BET1: variants seen among roughly 807,000 people sequenced by gnomAD.
BET1 encodes BET1 homolog.
Under a neutral mutation model 13.9 loss-of-function variants are expected in BET1, and 9 were observed. That is an observed-to-expected ratio of 0.65 (90% CI 0.39 to 1.13). The LOEUF (loss-of-function observed/expected upper bound fraction) is 1.13. BET1 is among the 50% of genes most tolerant of loss of function. The pLI, the probability that BET1 is intolerant of heterozygous loss-of-function variation, is 0.01. For synonymous variants in BET1, 39 were observed against 47.3 expected (o/e 0.82, Z 0.72); for missense variants, 127 against 133.6 (o/e 0.95, Z 0.24).
At chr7:93,995,518 A>G (rs548253183) in intron 3 of BET1, among the ~76,000 whole-genome samples, 1 of 152,324 alleles carries the variant, frequency 6.6e-6, no homozygotes, top group South Asian at 2.1e-4. Flanking sequence ...CATCAGAATC[A>G]CCAGAGATGC....
chr7:93,991,134 T>C (rs989150654), downstream of BET1, among the ~76,000 whole-genome samples: 7 of 152,134 alleles, frequency 4.6e-5, no homozygotes, highest in Non-Finnish European at 8.8e-5. Context: ...AGAGTAACAA[T>C]AACCACATGC....
chr7:93,992,178 C>T, downstream of BET1: 1 of 985,312 alleles, frequency 1.0e-6, no homozygotes, highest in Non-Finnish European at 1.2e-6. Context: ...TAGAGACCTA[C>T]TTTAAATAGT....
exon 7 of BET1, chr7:93,962,983 G>T: frequency 6.6e-6 from 1 of 152,020 alleles, no homozygotes; most frequent in East Asian, 1.9e-4. Context: ...GGGATGTTTG[G>T]AAAAAATCCT....
chr7:93,984,795 A>G (rs78765043), intron 4 of BET1, among the ~76,000 whole-genome samples: 10,633 of 152,254 alleles, frequency 0.07, 482 homozygotes, highest in East Asian at 0.11. Flanking sequence ...ATATGGCTAA[A>G]TGAATAAATA....
intron 4 of BET1, among the ~76,000 whole-genome samples, chr7:93,976,697 C>T (rs1228753077): frequency 2.0e-5 from 3 of 151,892 alleles, no homozygotes; most frequent in Non-Finnish European, 4.4e-5. Flanking sequence ...TTATTTCAAT[C>T]GTTTTCGGAG....
chr7:93,999,794 G>C, intron 1 of BET1: 1 of 429,198 alleles, frequency 2.3e-6, no homozygotes, highest in Admixed American at 2.7e-5. Flanking sequence ...GCCAAAGCAG[G>C]GAGGGGGCAA....
intron 4 of BET1, among the ~76,000 whole-genome samples, chr7:93,988,138 A>G (rs1268694343): frequency 1.3e-5 from 2 of 152,194 alleles, no homozygotes; most frequent in Non-Finnish European, 2.9e-5. Flanking sequence ...TGAAAACCAA[A>G]GCATCAATTT....
chr7:93,981,641 AT>A (rs1219778132), intron 4 of BET1, among the ~76,000 whole-genome samples: 1 of 152,192 alleles, frequency 6.6e-6, no homozygotes, highest in Non-Finnish European at 1.5e-5. Flanking sequence ...CAGAAGGGCA[AT>A]TCCTGGAATT....
Position 93,993,613 on chromosome 7 carries a change from C to A in BET1, c.*617G>T. On this transcript the variant is annotated 3_prime_UTR_variant, in exon 4 of 4. Coordinates refer to ENST00000222547, the MANE Select transcript of BET1 (RefSeq NM_005868.6). ...TATACTGATACACATGTGCAATGGG[C>A]CCTACCAGAAATATGCCAAAATAAC... 8.1e-7 allele frequency: 1 copy of A among 1,237,870 alleles called. No individual in the cohort carries two copies. The highest frequency in any genetic ancestry group is 4.1e-5 in the Admixed American group (1 of 24,572). The allele number at this position is 1,237,870 out of a possible 1,614,324, so 76.7% of individuals were successfully genotyped here.
intron 4 of BET1, chr7:93,976,183 C>A: frequency 5.2e-6 from 5 of 957,294 alleles, no homozygotes; most frequent in Non-Finnish European, 6.6e-6. Context: ...AGTAAATGTA[C>A]TCTCAGAAGA....
intron 4 of BET1, among the ~76,000 whole-genome samples, chr7:93,979,784 G>A (rs1352094330): frequency 6.6e-6 from 1 of 151,400 alleles, no homozygotes; most frequent in Admixed American, 6.6e-5. Flanking sequence ...TTCTTCTGAG[G>A]GTTGCTCAGG....
chr7:93,993,089 A>T (rs763408921), downstream of BET1: 3 of 979,802 alleles, frequency 3.1e-6, no homozygotes, highest in Non-Finnish European at 3.6e-6. Context: ...ATAAAGAATT[A>T]AAGAGATTTT....
chr7:93,981,002 T>C (rs775602401), intron 4 of BET1, among the ~76,000 whole-genome samples: 2 of 152,182 alleles, frequency 1.3e-5, no homozygotes, highest in Non-Finnish European at 2.9e-5. Context: ...GTTTTCTGTT[T>C]TTTGTCTCTG....
rs565189520 is a variant in BET1 at position 93,993,488 on chromosome 7, T to C, written c.*742A>G. On this transcript the variant is annotated 3_prime_UTR_variant, in exon 4 of 4. Transcript: ENST00000222547. ...TCAGTAATTACTTAACTTCACATTA[T>C]TCTGTCACAAATGATAAATGTGCTA... 1.0e-6 allele frequency: 1 copy of C among 982,372 alleles called. No homozygotes were observed. Among genetic ancestry groups the C allele is most frequent in the Non-Finnish European group, 1.2e-6 (1 of 824,896 alleles). The allele number at this position is 982,372 out of a possible 1,614,324, so 60.9% of individuals were successfully genotyped here.
chr7:93,982,287 G>A (rs1795441754), intron 4 of BET1, among the ~76,000 whole-genome samples: 1 of 152,048 alleles, frequency 6.6e-6, no homozygotes. Context: ...TAGAAACATA[G>A]TATAAGATGA....
At chr7:93,968,311 C>A (rs545613795) in intron 6 of BET1, 2 of 151,712 alleles carry the variant, frequency 1.3e-5, no homozygotes, top group African/African-American at 4.8e-5. Flanking sequence ...ATCCAAACAC[C>A]AAACTGTGTA....
At chr7:93,968,632 G>T (rs1795212040) in intron 6 of BET1, among the ~76,000 whole-genome samples, 1 of 151,636 alleles carries the variant, frequency 6.6e-6, no homozygotes, top group South Asian at 2.1e-4. Context: ...ACTTAGCCGA[G>T]GACTTATATA....
At chr7:93,977,150 A>G (rs1425583561) in intron 4 of BET1, among the ~76,000 whole-genome samples, 1 of 152,078 alleles carries the variant, frequency 6.6e-6, no homozygotes, top group Non-Finnish European at 1.5e-5. Context: ...TACTGTGCAC[A>G]GATCTTTCAG....
At chr7:94,004,056 C>G (rs1010857910) in intron 1 of BET1, 142 bp downstream of exon 1, 9 of 1,218,246 alleles carry the variant, frequency 7.4e-6, no homozygotes, top group Middle Eastern at 1.9e-4. Context: ...TGTTTCCACT[C>G]GACATGGACC....
Sources: gnomAD v4.1 joint callset for allele counts (sites outside exome capture counted in the v4.1 genomes callset) on GRCh38, gnomAD v4.1.1 for gene constraint, MANE v1.5 for transcripts, NCBI Gene and HGNC (gene_info 2026-07-23, HGNC 2026-07-21) for gene names.